The following FAM167A variants were observed in gnomAD, a reference collection of about 807,000 sequenced individuals.
FAM167A encodes family with sequence similarity 167 member A.
In FAM167A, 23 loss-of-function variants were observed where a neutral mutation model predicts 14.9. The observed-to-expected ratio is 1.55, with a 90% confidence interval of 1.11 to 2.19. The LOEUF (loss-of-function observed/expected upper bound fraction) is 2.19, where lower values mean the gene tolerates loss of function less well. Among genes scored for constraint, FAM167A ranks in the 30% most tolerant of loss-of-function variants. FAM167A has a pLI of 0.00. For synonymous variants in FAM167A, 174 were observed against 117.7 expected, an observed-to-expected ratio of 1.48 and a Z score of -3.10; for missense variants, 401 against 281.5, an observed-to-expected ratio of 1.42 and a Z score of -3.04.
chr8:11,474,184 T>G (rs1797797904), intron 1 of FAM167A, among the ~76,000 whole-genome samples: 1 of 152,224 alleles, frequency 6.6e-6, no homozygotes, highest in Non-Finnish European at 1.5e-5. Flanking sequence ...CAACACTGTT[T>G]TATCACGTCT....
chr8:11,473,841 T>C (rs1797788233), intron 1 of FAM167A, among the ~76,000 whole-genome samples: 2 of 152,120 alleles, frequency 1.3e-5, no homozygotes. Context: ...ATGGTGGTTT[T>C]TTTGTTTGTT....
At chr8:11,445,715 T>G (rs900288388) in intron 1 of FAM167A, 2 of 716,230 alleles carry the variant, frequency 2.8e-6, no homozygotes, top group African/African-American at 3.9e-5. Context: ...GCCTCCAGAC[T>G]CTGTGGTCCG....
rs7830445 is a variant in FAM167A at position 11,444,552 on chromosome 8, A to G, written c.-141T>C. On this transcript the variant is annotated 5_prime_UTR_variant, in exon 2 of 3. Transcript: ENST00000284486. ...CATTTCCGGGACAGGAGCCGGCCTC[A>G]GAGGCTGGGTGGCAGGGGAGCTGAG... The G allele has an allele frequency of 0.66, 962,721 of 1,463,794 alleles. 317,396 individuals are homozygous for G. Among genetic ancestry groups the G allele is most frequent in the African/African-American group, 0.7 (49,595 of 70,656 alleles). The allele number at this position is 1,463,794 out of a possible 1,614,324, so 90.7% of individuals were successfully genotyped here. A position where few individuals can be genotyped will look rare whatever the true frequency, so the allele number is the denominator to read the frequency against.
chr8:11,463,254 T>C (rs1807607580), intron 1 of FAM167A, among the ~76,000 whole-genome samples: 1 of 152,202 alleles, frequency 6.6e-6, no homozygotes, highest in Admixed American at 6.5e-5. Flanking sequence ...GGGAAGTGCC[T>C]TTGTGACTGG....
intron 2 of FAM167A, among the ~76,000 whole-genome samples, chr8:11,429,786 C>T (rs1317998277): frequency 6.6e-6 from 1 of 152,222 alleles, no homozygotes; most frequent in Non-Finnish European, 1.5e-5. Context: ...GAGCTCCACT[C>T]CTCACTCGTT....
chr8:11,450,344 C>T (rs1041689804), intron 1 of FAM167A, among the ~76,000 whole-genome samples: 1 of 152,184 alleles, frequency 6.6e-6, no homozygotes, highest in African/African-American at 2.4e-5. Flanking sequence ...AGCTGTGGTG[C>T]TAAAAGCTTT....
chr8:11,450,139 G>A (rs926734499), intron 1 of FAM167A, among the ~76,000 whole-genome samples: 1 of 152,088 alleles, frequency 6.6e-6, no homozygotes, highest in Non-Finnish European at 1.5e-5. Context: ...CCCCTGACTC[G>A]GCACAAGCTT....
chr8:11,434,960 G>A (rs1483896642), intron 2 of FAM167A: 10 of 448,470 alleles, frequency 2.2e-5, no homozygotes, highest in South Asian at 1.4e-4. Flanking sequence ...AGCATCACTG[G>A]CACCCACCCC....
upstream of FAM167A, among the ~76,000 whole-genome samples, chr8:11,468,986 C>T (rs1479217238): frequency 6.6e-6 from 1 of 152,116 alleles, no homozygotes; most frequent in Admixed American, 6.5e-5. Flanking sequence ...TTGGAGTAGC[C>T]TCAACTCCAA....
chr8:11,435,242 G>A (rs950587372), intron 2 of FAM167A: 2 of 406,030 alleles, frequency 4.9e-6, no homozygotes, highest in African/African-American at 4.1e-5. Context: ...TTCAGGACCA[G>A]CTCAGCCTTT....
At chr8:11,439,844 A>G (rs1806322794) in intron 2 of FAM167A, among the ~76,000 whole-genome samples, 1 of 152,106 alleles carries the variant, frequency 6.6e-6, no homozygotes, top group African/African-American at 2.4e-5. Context: ...AAGAGAGAAA[A>G]CAGAAAGGAG....
At chr8:11,464,754 CG>C in intron 1 of FAM167A, among the ~76,000 whole-genome samples, 1 of 152,308 alleles carries the variant, frequency 6.6e-6, no homozygotes, top group South Asian at 2.1e-4. Flanking sequence ...GTAGGGCCAA[CG>C]GGGCTTTCTG....
chr8:11,456,155 G>C (rs1807277462), intron 1 of FAM167A, among the ~76,000 whole-genome samples: 1 of 63,116 alleles, frequency 1.6e-5, no homozygotes, highest in South Asian at 4.7e-4. Context: ...GTGTGAATGT[G>C]GGGGGTGGTT....
At chr8:11,457,813 C>A (rs1317379802) in intron 1 of FAM167A, among the ~76,000 whole-genome samples, 1 of 152,180 alleles carries the variant, frequency 6.6e-6, no homozygotes, top group African/African-American at 2.4e-5. Context: ...ACCTTCCAGG[C>A]CACCTTTCTC....
At chr8:11,445,667 C>G (rs756743055) in intron 1 of FAM167A, 24 of 959,804 alleles carry the variant, frequency 2.5e-5, no homozygotes, top group Non-Finnish European at 2.7e-5. Flanking sequence ...ACATCAGACA[C>G]AGGGTAGAAA....
chr8:11,431,923 T>G (rs1482586841), intron 2 of FAM167A, among the ~76,000 whole-genome samples: 17 of 98,614 alleles, frequency 1.7e-4, no homozygotes, highest in South Asian at 3.0e-4. Flanking sequence ...AAAAAAAGGA[T>G]TTTGTTCTTT....
chr8:11,462,222 T>G (rs1308553521), intron 1 of FAM167A, among the ~76,000 whole-genome samples: 4 of 152,210 alleles, frequency 2.6e-5, no homozygotes, highest in African/African-American at 4.8e-5. Context: ...GAGAAAGGGA[T>G]GGAGCAAGTT....
chr8:11,458,230 T>G (rs949093096), intron 1 of FAM167A, among the ~76,000 whole-genome samples: 1 of 152,228 alleles, frequency 6.6e-6, no homozygotes, highest in African/African-American at 2.4e-5. Flanking sequence ...ATGTTTGAAT[T>G]TGACTCAGTC....
At chr8:11,470,681 G>A (rs1288343003), upstream of FAM167A, among the ~76,000 whole-genome samples, 4 of 152,176 alleles carry the variant, frequency 2.6e-5, no homozygotes, top group African/African-American at 9.7e-5. Context: ...GAGAAGGAAG[G>A]ATGAAATTTC....
Sources: allele counts gnomAD v4.1 joint callset (sites outside exome capture counted in the v4.1 genomes callset), GRCh38; gene constraint gnomAD v4.1.1; transcripts MANE v1.5; gene names NCBI Gene and HGNC (gene_info 2026-07-23, HGNC 2026-07-21).